SLC24A2: variants seen among roughly 807,000 people sequenced by gnomAD.
SLC24A2 encodes the protein sodium/potassium/calcium exchanger 2.
In SLC24A2, 36 loss-of-function variants were observed where a neutral mutation model predicts 62.0. The observed-to-expected ratio is 0.58, with a 90% CI of 0.44 to 0.77. SLC24A2 has a LOEUF of 0.77. Ranked by LOEUF, SLC24A2 falls within the 30% of genes least tolerant of loss-of-function variation. The probability of loss-of-function intolerance (pLI) is 0.00; values close to 1 mark genes in which losing one functional copy is unlikely to be tolerated. For missense variants in SLC24A2, 846 were observed against 817.9 expected (o/e 1.03, Z -0.42); for synonymous variants, 358 against 294.0 (o/e 1.22, Z -2.23).
At chr9:19,763,841 A>C (rs1822424437) in intron 2 of SLC24A2, among the ~76,000 whole-genome samples, 1 of 152,130 alleles carries the variant, frequency 6.6e-6, no homozygotes, top group South Asian at 2.1e-4. Flanking sequence ...CGAGTTAGGG[A>C]GGACTTTCTC....
At chr9:19,673,232 T>C (rs986857225) in intron 2 of SLC24A2, among the ~76,000 whole-genome samples, 3 of 146,514 alleles carry the variant, frequency 2.0e-5, no homozygotes, top group Admixed American at 2.0e-4. Context: ...GTTAGGTGCA[T>C]ATATATTTAG....
At chr9:19,586,646 A>C (rs1359912945) in intron 5 of SLC24A2, among the ~76,000 whole-genome samples, 2 of 152,104 alleles carry the variant, frequency 1.3e-5, no homozygotes, top group Non-Finnish European at 2.9e-5. Context: ...GCATTTTACA[A>C]ACCAAAAAAA....
the SLC24A2 span, among the ~76,000 whole-genome samples, chr9:20,120,539 G>A: frequency 6.6e-6 from 1 of 152,076 alleles, no homozygotes; most frequent in Non-Finnish European, 1.5e-5. Flanking sequence ...ATAGACACTA[G>A]GGCCTACTTG....
At chr9:20,093,940 T>C in the SLC24A2 span, among the ~76,000 whole-genome samples, 2 of 152,166 alleles carry the variant, frequency 1.3e-5, no homozygotes, top group African/African-American at 2.4e-5. Context: ...ACACCTACTA[T>C]GTACTCACAG....
the SLC24A2 span, among the ~76,000 whole-genome samples, chr9:20,132,559 T>C: frequency 6.6e-6 from 1 of 152,056 alleles, no homozygotes; most frequent in Admixed American, 6.6e-5. Flanking sequence ...AAAAATATCT[T>C]TTAAAGACCT....
chr9:20,199,844 G>A, the SLC24A2 span, among the ~76,000 whole-genome samples: 10 of 150,356 alleles, frequency 6.7e-5, no homozygotes, highest in Non-Finnish European at 1.3e-4. Flanking sequence ...TCAGCCTCCT[G>A]AGGAGCTGGG....
the SLC24A2 span, among the ~76,000 whole-genome samples, chr9:19,878,184 C>T: frequency 2.6e-4 from 39 of 152,178 alleles, no homozygotes; most frequent in African/African-American, 8.4e-4. Context: ...CTTCTTATTG[C>T]CAAGCTGCCA....
In SLC24A2 at chr9:19,750,523, T is replaced by C. The variant is rs145318947; in HGVS notation, c.930+35414A>G. On this transcript the variant is annotated intron_variant, in intron 2 of 10. Transcript: ENST00000341998. ...CTTTTGATACTATGTCTCCTTTAGT[T>C]CAAGTCATCATTGTCTCTGATCTCA... is the stretch of plus-strand genomic sequence containing the variant. Among the ~76,000 whole-genome samples, 38 of 152,244 alleles carry C rather than the reference T, an allele frequency of 2.5e-4. No homozygotes were observed. The East Asian group carries it at 6.4e-3, about 26-fold the overall frequency.
the SLC24A2 span, among the ~76,000 whole-genome samples, chr9:20,247,294 T>A: frequency 6.6e-6 from 1 of 152,186 alleles, no homozygotes; most frequent in East Asian, 1.9e-4. Flanking sequence ...TACGTAAGCA[T>A]CAGCAGGCCC....
chr9:20,074,989 T>C, the SLC24A2 span, among the ~76,000 whole-genome samples: 1 of 152,206 alleles, frequency 6.6e-6, no homozygotes, highest in African/African-American at 2.4e-5. Flanking sequence ...CCTTGGTTTC[T>C]GCATGTAAGA....
the SLC24A2 span, among the ~76,000 whole-genome samples, chr9:19,848,200 A>G: frequency 6.6e-6 from 1 of 152,324 alleles, no homozygotes; most frequent in Admixed American, 6.5e-5. Flanking sequence ...GCTTTCACCA[A>G]CCAAAAATAA....
chr9:19,911,043 A>C, the SLC24A2 span, among the ~76,000 whole-genome samples: 158 of 148,494 alleles, frequency 1.1e-3, 1 homozygote, highest in Non-Finnish European at 1.9e-3. Context: ...CATTAGGTGT[A>C]TCTCTTAAAG....
intron 2 of SLC24A2, among the ~76,000 whole-genome samples, chr9:19,670,156 A>G (rs1819374458): frequency 6.6e-6 from 1 of 152,202 alleles, no homozygotes; most frequent in Admixed American, 6.5e-5. Context: ...AATGGAAGCC[A>G]TCAGGAACAT....
rs1432455794 is a variant in SLC24A2 at position 19,516,314 on chromosome 9, G to A, written c.1825C>T (p.Leu609Phe). Residue 609 changes from leucine (L) to phenylalanine (F), a missense_variant, in exon 11 of 11, where the codon CTT becomes TTT. Leu to Phe is a conservative substitution (Grantham distance 22). Coordinates refer to ENST00000341998, the MANE Select transcript of SLC24A2 (RefSeq NM_020344.4). The stretch of plus-strand genomic sequence containing the variant: ...ACGAAGAGCAGCATGATGAAGAGAA[G>A]GACGATGGCACAGAAAAGGCCATTG... ...SSNGLFCAIV[L>F]LFIMLLFVIL... 1.2e-6 allele frequency: 2 copies of A among 1,614,080 alleles called. No homozygotes were observed. Among genetic ancestry groups the A allele is most frequent in the Non-Finnish European group, 1.7e-6 (2 of 1,180,042 alleles).
the SLC24A2 span, among the ~76,000 whole-genome samples, chr9:20,230,566 A>G: frequency 1.3e-5 from 2 of 151,222 alleles, no homozygotes; most frequent in Non-Finnish European, 2.9e-5. Context: ...CCTTCACCCA[A>G]TTTTGATGGG....
chr9:20,138,092 T>C, the SLC24A2 span, among the ~76,000 whole-genome samples: 188 of 152,244 alleles, frequency 1.2e-3, 1 homozygote, highest in African/African-American at 4.4e-3. Flanking sequence ...TATCAGAACT[T>C]AGAAAACCAA....
chr9:19,653,011 C>G (rs1487672254), intron 2 of SLC24A2, among the ~76,000 whole-genome samples: 1 of 152,166 alleles, frequency 6.6e-6, no homozygotes, highest in Non-Finnish European at 1.5e-5. Flanking sequence ...GGGCATCTTA[C>G]TTGGCTTTGG....
the SLC24A2 span, among the ~76,000 whole-genome samples, chr9:20,302,832 C>T: frequency 6.6e-6 from 1 of 152,128 alleles, no homozygotes; most frequent in Non-Finnish European, 1.5e-5. Context: ...GGGGCTGAAC[C>T]AACATTAATA....
At chr9:20,026,378 G>A in the SLC24A2 span, among the ~76,000 whole-genome samples, 1 of 152,180 alleles carries the variant, frequency 6.6e-6, no homozygotes, top group African/African-American at 2.4e-5. Context: ...GCTTCCCACA[G>A]TGCCTAGCAC....
Sources: allele counts gnomAD v4.1 joint callset (sites outside exome capture counted in the v4.1 genomes callset), GRCh38; gene constraint gnomAD v4.1.1; transcripts MANE v1.5; gene names NCBI Gene and HGNC (gene_info 2026-07-23, HGNC 2026-07-21).